Variants in EIF6 observed in about 807,000 individuals in gnomAD.
EIF6 encodes eukaryotic translation initiation factor 6, also known as B4 integrin interactor.
Under a neutral mutation model 25.5 loss-of-function variants are expected in EIF6, and 10 were observed. The observed-to-expected ratio is 0.39, with a 90% confidence interval of 0.24 to 0.66. EIF6 has a LOEUF of 0.66. Ranked by LOEUF, EIF6 falls within the 30% of genes least tolerant of loss-of-function variation. The probability of loss-of-function intolerance (pLI) is 0.45; values close to 1 mark genes in which losing one functional copy is unlikely to be tolerated. For synonymous variants in EIF6, 122 were observed against 122.6 expected, an observed-to-expected ratio of 1.00 and a Z score of 0.03; for missense variants, 246 against 315.4, an observed-to-expected ratio of 0.78 and a Z score of 1.67.
At position 35,280,636 on chromosome 20, in the gene EIF6, C is replaced by A; in HGVS notation, c.369+18G>T. 1 of 1,611,092 alleles carries A rather than the reference C, an allele frequency of 6.2e-7. No homozygotes were observed. Among genetic ancestry groups the A allele is most frequent in the South Asian group, 1.1e-5 (1 of 90,260 alleles). On this transcript the variant is annotated intron_variant, in intron 4 of 6. Transcript: ENST00000374450. ...TAGGATGGCCCTGTGACTCTTGGGT[C>A]AAGTTGGGCTGCCTCACCCTGTCCA...
chr20:35,284,290 G>C (rs1485190042), intron 2 of EIF6, 29 bp from the exon 3 acceptor site: 3 of 1,613,900 alleles, frequency 1.9e-6, no homozygotes, highest in South Asian at 2.2e-5. Flanking sequence ...GGTGGTGGCG[G>C]GGCAGAGGGG....
chr20:35,279,769 G>A (rs749300911), intron 5 of EIF6, 22 bp from the exon 6 acceptor site: 1 of 1,612,570 alleles, frequency 6.2e-7, no homozygotes, highest in East Asian at 2.2e-5. Flanking sequence ...TGGGCTCAAT[G>A]TGAGTCACGG....
In EIF6 at chr20:35,284,474, G is replaced by A; in HGVS notation, c.14C>T (p.Ala5Val). MAVR[A>V]SFENNCEIGC... Reference sequence around the variant, plus strand: ...GATCTCACAGTTGTTCTCGAACGAAGCTCGGACCGCCATGAGGCCTAGGGG... The same window carrying A: ...GATCTCACAGTTGTTCTCGAACGAAACTCGGACCGCCATGAGGCCTAGGGG... The change falls in exon 2 of 7, where the codon GCT becomes GTT. Residue 5 changes from alanine (A) to valine (V), a missense_variant. Physicochemically the swap from Ala to Val is moderately conservative, Grantham distance 64. Transcript: ENST00000374450. 6.2e-7 allele frequency: 1 copy of A among 1,608,112 alleles called. No homozygotes were observed. Among genetic ancestry groups the A allele is most frequent in the Admixed American group, 1.7e-5 (1 of 59,902 alleles).
chr20:35,279,296 G>C, intron 6 of EIF6, 90 bp from the exon 7 acceptor site: 1 of 1,546,144 alleles, frequency 6.5e-7, no homozygotes, highest in Non-Finnish European at 8.8e-7. Flanking sequence ...CCTCATCCCG[G>C]GACCAGCTCT....
chr20:35,284,534 T>C (rs749914478), intron 1 of EIF6, 42 bp from the exon 2 acceptor site: 10 of 1,557,274 alleles, frequency 6.4e-6, no homozygotes, highest in South Asian at 4.8e-5. Flanking sequence ...GGCGGATCCT[T>C]TCCCAAGTAT....
intron 3 of EIF6, among the ~76,000 whole-genome samples, chr20:35,281,149 G>C (rs35021797): frequency 6.6e-6 from 1 of 152,204 alleles, no homozygotes; most frequent in Non-Finnish European, 1.5e-5. Flanking sequence ...GGGAGGCTGA[G>C]GTGGGCAGAT....
chr20:35,280,647 G>T lies in EIF6; in HGVS notation c.369+7C>A, dbSNP rs1328741590. Reference sequence around the variant, plus strand: ...TGTGACTCTTGGGTCAAGTTGGGCTGCCTCACCCTGTCCAAGTCTGGGTGG... The same window carrying T: ...TGTGACTCTTGGGTCAAGTTGGGCTTCCTCACCCTGTCCAAGTCTGGGTGG... On this transcript the variant is annotated splice_region_variant and intron_variant, in intron 4 of 6. Coordinates refer to ENST00000374450, the MANE Select transcript of EIF6 (RefSeq NM_002212.4). The T allele has an allele frequency of 6.2e-7, 1 of 1,612,484 alleles. No homozygotes were observed. The highest frequency in any genetic ancestry group is 8.5e-7 in the Non-Finnish European group (1 of 1,179,298).
intron 4 of EIF6, 32 bp downstream of exon 4, chr20:35,280,622 T>A: frequency 1.9e-6 from 3 of 1,608,098 alleles, no homozygotes; most frequent in Non-Finnish European, 2.5e-6. Context: ...AGGATGGCCC[T>A]GTGACTCTTG....
At position 35,284,520 on chromosome 20, in the gene EIF6, G is replaced by A. The variant is rs558425820; in HGVS notation, c.-5-28C>T. On this transcript the variant is annotated intron_variant, in intron 1 of 6. Transcript: ENST00000374450. The stretch of plus-strand genomic sequence containing the variant: ...AGGGGCGGCGGAGGCGGGAGTTCAA[G>A]GCCGGCGGATCCTTTCCCAAGTATC... 3.1e-5 allele frequency: 48 copies of A among 1,571,834 alleles called. No individual in the cohort carries two copies. In the South Asian group the frequency reaches 5.3e-4, roughly 17 times the overall value.
chr20:35,283,043 G>T (rs1484057014), intron 3 of EIF6, among the ~76,000 whole-genome samples: 3 of 152,150 alleles, frequency 2.0e-5, no homozygotes, highest in Non-Finnish European at 4.4e-5. Flanking sequence ...TGTAATCCCA[G>T]CACTTTGGGA....
At position 35,279,056 on chromosome 20, in the gene EIF6, A is replaced by G; in HGVS notation, c.*141T>C. ...GATCCAGGCGATAAGCACAGGTGGA[A>G]AAGGGTTGGGTGCCCAGCCCCTCAG... On this transcript the variant is annotated 3_prime_UTR_variant, in exon 7 of 7. Coordinates refer to ENST00000374450, the MANE Select transcript of EIF6 (RefSeq NM_002212.4). 9.5e-7 allele frequency: 1 copy of G among 1,056,554 alleles called. No individual in the cohort carries two copies. Among genetic ancestry groups the G allele is most frequent in the Non-Finnish European group, 1.4e-6 (1 of 694,928 alleles). 65.4% of individuals were successfully genotyped at this position (1,056,554 alleles called of 1,614,324 possible).
chr20:35,284,310 T>G, intron 2 of EIF6, 49 bp from the exon 3 acceptor site: 1 of 1,613,674 alleles, frequency 6.2e-7, no homozygotes, highest in African/African-American at 1.3e-5. Context: ...GCCGGCACCC[T>G]CCCACTGCCG....
At position 35,284,448 on chromosome 20, in the gene EIF6, C is replaced by A. The variant is rs751160609; in HGVS notation, c.40G>T (p.Gly14Cys). Residue 14 changes from glycine to cysteine, a missense_variant, in exon 2 of 7, where the codon GGC (glycine) becomes TGC (cysteine). Transcript: ENST00000374450. Reference sequence around the variant, plus strand: ...GTGTTGGTGAGCTTGGCAAAGCAGCCGATCTCACAGTTGTTCTCGAACGAA... The same window carrying A: ...GTGTTGGTGAGCTTGGCAAAGCAGCAGATCTCACAGTTGTTCTCGAACGAA... Reference protein sequence around the residue: ...RASFENNCEIGCFAKLTNTYC... With the variant: ...RASFENNCEICCFAKLTNTYC... 1.2e-6 allele frequency: 2 copies of A among 1,613,362 alleles called. No homozygotes were observed. The highest frequency in any genetic ancestry group is 2.7e-5 in the African/African-American group (2 of 75,072).
rs1376863201 is a variant in EIF6 at position 35,278,932 on chromosome 20, C to A, written c.*265G>T. On this transcript the variant is annotated 3_prime_UTR_variant, in exon 7 of 7. Transcript: ENST00000374450. The stretch of plus-strand genomic sequence containing the variant: ...CACATTCAGAATGGCCCGGAGGGAA[C>A]TGCACTTTAATGGGGTGGCACAGGA... 9.1e-6 allele frequency: 5 copies of A among 548,976 alleles called. No homozygotes were observed. Among genetic ancestry groups the A allele is most frequent in the African/African-American group, 1.9e-5 (1 of 52,588 alleles). The allele number at this position is 548,976 out of a possible 1,614,324, so 34.0% of individuals were successfully genotyped here.
Position 35,279,479 on chromosome 20 carries a change from C to T in EIF6, c.728+87G>A, listed in dbSNP as rs746215251. On this transcript the variant is annotated intron_variant, in intron 6 of 6. Transcript: ENST00000374450. ...GCTACCAGAACAAACTGGTAGGCTC[C>T]CATTCTAGATGACATCTTTTCCCCA... 176 of 1,546,330 alleles carry T rather than the reference C, an allele frequency of 1.1e-4. 1 individual carries two copies. Among genetic ancestry groups the T allele is most frequent in the Middle Eastern group, 1.7e-4 (1 of 5,888 alleles).
intron 4 of EIF6, 73 bp from the exon 5 acceptor site, chr20:35,280,191 G>A: frequency 6.5e-7 from 1 of 1,538,452 alleles, no homozygotes; most frequent in South Asian, 1.2e-5. Context: ...ATGCCCAGAA[G>A]CATCCAGGCC....
rs1362955369 is a variant in EIF6, at chr20:35,279,643, CACT to C, written c.648_650del (p.Val218del). 6.2e-7 allele frequency: 1 copy of C among 1,614,108 alleles called. No homozygotes were observed. Among genetic ancestry groups the C allele is most frequent in the Non-Finnish European group, 8.5e-7 (1 of 1,180,052 alleles). Reference sequence around the variant, plus strand: ...CATTCAGCTTGAAGACACTCTCCACCACTGACAGCTCTGTGCTGGTTGTGTCCA... The same window carrying C: ...CATTCAGCTTGAAGACACTCTCCACCGACAGCTCTGTGCTGGTTGTGTCCA... On this transcript the variant is annotated inframe_deletion, in exon 6 of 7. Transcript: ENST00000374450.
chr20:35,283,672 T>C (rs932561), intron 3 of EIF6, among the ~76,000 whole-genome samples: 2 of 151,966 alleles, frequency 1.3e-5, no homozygotes, highest in Non-Finnish European at 2.9e-5. Context: ...TGGTGGCACG[T>C]GCCTGTGGCC....
intron 4 of EIF6, 87 bp from the exon 5 acceptor site, chr20:35,280,205 G>T: frequency 7.0e-7 from 1 of 1,433,108 alleles, no homozygotes; most frequent in Non-Finnish European, 9.5e-7. Flanking sequence ...CCAGGCCTTG[G>T]CTCCCTGAGC....
Sources: allele counts gnomAD v4.1 joint callset (sites outside exome capture counted in the v4.1 genomes callset), GRCh38; gene constraint gnomAD v4.1.1; transcripts MANE v1.5; gene names NCBI Gene and HGNC (gene_info 2026-07-23, HGNC 2026-07-21).